The following TMEM71 variants were observed in gnomAD, a reference collection of about 807,000 sequenced individuals.
TMEM71 encodes transmembrane protein 71.
In TMEM71, 44 loss-of-function variants were observed where a neutral mutation model predicts 38.0. That is an observed-to-expected ratio of 1.16 (90% CI 0.91 to 1.49). The LOEUF is 1.49. Ranked by LOEUF, TMEM71 falls within the 40% of genes most tolerant of loss-of-function variation. The pLI is 0.00. For synonymous variants in TMEM71, 133 were observed against 122.5 expected (o/e 1.09, Z -0.56); for missense variants, 367 against 348.6 (o/e 1.05, Z -0.42).
chr8:132,769,407 T>C, the TMEM71 span, among the ~76,000 whole-genome samples: 1 of 152,238 alleles, frequency 6.6e-6, no homozygotes, highest in East Asian at 1.9e-4. Flanking sequence ...TCTAATTTTA[T>C]TTTTCTTCCT....
At chr8:132,732,718 A>G (rs1827526925) in intron 5 of TMEM71, among the ~76,000 whole-genome samples, 1 of 152,146 alleles carries the variant, frequency 6.6e-6, no homozygotes, top group South Asian at 2.1e-4. Context: ...CTCATACAAC[A>G]GTAGTTCTTA....
intron 6 of TMEM71, among the ~76,000 whole-genome samples, chr8:132,727,160 T>C (rs1447676829): frequency 1.3e-5 from 2 of 152,192 alleles, no homozygotes; most frequent in East Asian, 1.9e-4. Flanking sequence ...CCTTCTTATG[T>C]AGTATGTCCA....
chr8:132,729,975 T>G (rs969465518), intron 5 of TMEM71, among the ~76,000 whole-genome samples: 1 of 149,332 alleles, frequency 6.7e-6, no homozygotes, highest in African/African-American at 2.4e-5. Flanking sequence ...TTTTTTTTTT[T>G]GAGACGGAGT....
the TMEM71 span, chr8:132,775,613 GC>G: frequency 2.9e-6 from 1 of 344,554 alleles, no homozygotes; most frequent in Non-Finnish European, 5.2e-6. Flanking sequence ...GCCCCGGACG[GC>G]CCGGCTGCTG....
downstream of TMEM71, among the ~76,000 whole-genome samples, chr8:132,708,720 T>C (rs1048842390): frequency 5.3e-5 from 8 of 152,216 alleles, no homozygotes; most frequent in African/African-American, 1.9e-4. Context: ...GTTAAGGATT[T>C]TAAAATGGAA....
At chr8:132,724,104 T>C (rs1826999865) in intron 6 of TMEM71, among the ~76,000 whole-genome samples, 2 of 152,194 alleles carry the variant, frequency 1.3e-5, no homozygotes, top group East Asian at 1.9e-4. Context: ...AAAGATCACA[T>C]GCTTCTGAGG....
intron 5 of TMEM71, among the ~76,000 whole-genome samples, chr8:132,730,902 T>C (rs527960786): frequency 9.9e-5 from 15 of 152,214 alleles, no homozygotes; most frequent in African/African-American, 3.6e-4. Flanking sequence ...TGTGTGTTTG[T>C]GTGTGTGTGC....
chr8:132,727,013 T>C (rs1213986324), intron 6 of TMEM71, among the ~76,000 whole-genome samples: 2 of 152,056 alleles, frequency 1.3e-5, no homozygotes, highest in Non-Finnish European at 2.9e-5. Context: ...TGTGCCACCA[T>C]GCCCAGCTAA....
At chr8:132,711,234 C>T (rs1260308028) in intron 9 of TMEM71, among the ~76,000 whole-genome samples, 12 of 152,180 alleles carry the variant, frequency 7.9e-5, no homozygotes, top group African/African-American at 2.7e-4. Context: ...GACCCCTCAG[C>T]CCAGCGTGGT....
chr8:132,754,518 T>C (rs1391911659), intron 3 of TMEM71, among the ~76,000 whole-genome samples: 1 of 152,214 alleles, frequency 6.6e-6, no homozygotes, highest in Non-Finnish European at 1.5e-5. Context: ...GTTATTGTTG[T>C]TGTTGTTTTT....
rs187751541 is a variant in TMEM71, at chr8:132,732,896, T to C, written c.488-4910A>G. On this transcript the variant is annotated intron_variant, in intron 5 of 9. Coordinates refer to ENST00000677595, the MANE Select transcript of TMEM71 (RefSeq NM_001382403.1). ...CAGGGCAGGTGCCACAACAAGACATTACCTGCCCACGATACTGTGATGCTG... is the reference window on the plus strand; with the variant it reads ...CAGGGCAGGTGCCACAACAAGACATCACCTGCCCACGATACTGTGATGCTG... Among the ~76,000 whole-genome samples the C allele has an allele frequency of 4.9e-4, 74 of 152,250 alleles. 1 individual carries two copies. The highest frequency in any genetic ancestry group is 1.9e-4 in the Non-Finnish European group (13 of 68,006).
intron 7 of TMEM71, among the ~76,000 whole-genome samples, 178 bp from the exon 8 acceptor site, chr8:132,714,393 C>T (rs998365891): frequency 6.6e-6 from 1 of 152,120 alleles, no homozygotes; most frequent in African/African-American, 2.4e-5. Context: ...GTAGACAGCC[C>T]AGAAGTAGAC....
intron 2 of TMEM71, 65 bp downstream of exon 2, chr8:132,758,775 G>A (rs1449432400): frequency 4.9e-6 from 7 of 1,432,644 alleles, no homozygotes; most frequent in Non-Finnish European, 6.9e-6. Flanking sequence ...TCAAAGCAAG[G>A]AAATTGCTAA....
intron 7 of TMEM71, among the ~76,000 whole-genome samples, chr8:132,718,208 T>A (rs1027917721): frequency 6.6e-6 from 1 of 152,156 alleles, no homozygotes; most frequent in Non-Finnish European, 1.5e-5. Flanking sequence ...CCACTAAAGG[T>A]GCACTTAAAA....
upstream of TMEM71, among the ~76,000 whole-genome samples, chr8:132,764,285 A>AG (rs1829337019): frequency 3.2e-5 from 3 of 95,030 alleles, no homozygotes; most frequent in African/African-American, 1.6e-4. Context: ...ATGAACTGGG[A>AG]GGTTGTGTGT....
At chr8:132,706,470 C>G (rs1826096123), downstream of TMEM71, among the ~76,000 whole-genome samples, 1 of 152,092 alleles carries the variant, frequency 6.6e-6, no homozygotes, top group African/African-American at 2.4e-5. Flanking sequence ...GAGTTATTAT[C>G]TATATATCTC....
chr8:132,718,694 G>T (rs2131021518), intron 7 of TMEM71, among the ~76,000 whole-genome samples: 1 of 150,838 alleles, frequency 6.6e-6, no homozygotes, highest in African/African-American at 2.4e-5. Context: ...ACCGTGCCCA[G>T]CCCCCCTACC....
At chr8:132,742,978 C>T (rs1214359990) in intron 5 of TMEM71, among the ~76,000 whole-genome samples, 1 of 152,070 alleles carries the variant, frequency 6.6e-6, no homozygotes, top group African/African-American at 2.4e-5. Context: ...GGGAAACTTC[C>T]CCTGATAGAA....
chr8:132,714,053 C>G lies in TMEM71; in HGVS notation c.815-1G>C. 1 of 1,613,890 alleles carries G rather than the reference C, an allele frequency of 6.2e-7. No individual in the cohort carries two copies. Among genetic ancestry groups the G allele is most frequent in the Non-Finnish European group, 8.5e-7 (1 of 1,179,840 alleles). Reference sequence around the variant, plus strand: ...AGGCTGAGAAACAATGATTTCACATCTTGAGTGAAACAGAGAAAATATTTT... The same window carrying G: ...AGGCTGAGAAACAATGATTTCACATGTTGAGTGAAACAGAGAAAATATTTT... On this transcript the variant is annotated splice_acceptor_variant, in intron 8 of 9. Coordinates refer to ENST00000677595, the MANE Select transcript of TMEM71 (RefSeq NM_001382403.1). LOFTEE classifies it high-confidence loss of function.
Sources: gnomAD v4.1 joint callset for allele counts (sites outside exome capture counted in the v4.1 genomes callset) on GRCh38, gnomAD v4.1.1 for gene constraint, MANE v1.5 for transcripts, NCBI Gene and HGNC (gene_info 2026-07-23, HGNC 2026-07-21) for gene names.